Variants in CFAP47 observed in about 807,000 individuals in gnomAD.
CFAP47 encodes cilia- and flagella-associated protein 47.
Under a neutral mutation model 148.1 loss-of-function variants are expected in CFAP47, and 29 were observed. That is an observed-to-expected ratio of 0.20 (90% CI 0.15 to 0.27). The LOEUF is 0.27. Among genes scored for constraint, CFAP47 ranks in the 10% least tolerant of loss-of-function variants. The pLI is 1.00. For missense variants in CFAP47, 1,872 were observed against 1,697.5 expected, an observed-to-expected ratio of 1.10 and a Z score of -1.81; for synonymous variants, 664 against 577.3, an observed-to-expected ratio of 1.15 and a Z score of -2.15.
chrX:36,362,652 C>T (rs5973649), intron 61 of CFAP47, among the ~76,000 whole-genome samples: 35,273 of 111,132 alleles, frequency 0.32, 6,794 homozygotes, highest in African/African-American at 0.73. Flanking sequence ...AACGAGTCCA[C>T]GTGGCTTTTT....
intron 1 of CFAP47, among the ~76,000 whole-genome samples, chrX:35,924,372 CATATATGCACACATATGTGT>C (rs1197978772): frequency 1.2e-4 from 12 of 102,422 alleles, no homozygotes; most frequent in Admixed American, 4.0e-4. Context: ...TGTATATGTG[CATATATGCACACATATGTGT>C]ATATATGCAC....
chrX:35,950,780 C>T (rs1315842047), intron 4 of CFAP47, among the ~76,000 whole-genome samples: 1 of 111,627 alleles, frequency 9.0e-6, no homozygotes, highest in Non-Finnish European at 1.9e-5. Flanking sequence ...AAAAGAATTT[C>T]AGAATTTGAG....
At chrX:35,969,859 G>T in intron 10 of CFAP47, among the ~76,000 whole-genome samples, 1 of 111,924 alleles carries the variant, frequency 8.9e-6, no homozygotes, top group East Asian at 2.8e-4. Flanking sequence ...AAGACAAGAA[G>T]AAAAATTAAT....
At chrX:36,051,876 A>C (rs1291545249) in intron 26 of CFAP47, among the ~76,000 whole-genome samples, 1 of 110,842 alleles carries the variant, frequency 9.0e-6, no homozygotes, top group Non-Finnish European at 1.9e-5. Context: ...AGGTAATTGA[A>C]TCAGGGGGGT....
intron 16 of CFAP47, among the ~76,000 whole-genome samples, chrX:35,990,840 T>C (rs1202525491): frequency 9.0e-6 from 1 of 111,496 alleles, no homozygotes; most frequent in Non-Finnish European, 1.9e-5. Flanking sequence ...CTCCACAAAA[T>C]CTGGTAACAC....
At chrX:36,146,698 C>T (rs886319987) in intron 36 of CFAP47, among the ~76,000 whole-genome samples, 2 of 111,241 alleles carry the variant, frequency 1.8e-5, no homozygotes, top group Admixed American at 1.9e-4. Context: ...GAAAGTCGTT[C>T]TTACCACCAA....
intron 21 of CFAP47, among the ~76,000 whole-genome samples, chrX:36,010,011 C>G (rs999281601): frequency 1.8e-5 from 2 of 110,946 alleles, no homozygotes; most frequent in East Asian, 5.7e-4. Context: ...TAGAAGTTTA[C>G]CAAGGTACCA....
chrX:36,076,186 T>G (rs886917202), intron 29 of CFAP47, among the ~76,000 whole-genome samples: 2 of 110,036 alleles, frequency 1.8e-5, no homozygotes, highest in Non-Finnish European at 3.8e-5. Context: ...TTCTTTTTTT[T>G]TTTTTATTAT....
chrX:35,937,667 A>C (rs1273851491), intron 2 of CFAP47, among the ~76,000 whole-genome samples: 1 of 110,670 alleles, frequency 9.0e-6, no homozygotes, highest in African/African-American at 3.3e-5. Flanking sequence ...TTTTTTCTAT[A>C]ATCTAAATTG....
chrX:36,285,347 A>C (rs1469240732), intron 50 of CFAP47, among the ~76,000 whole-genome samples: 2 of 111,937 alleles, frequency 1.8e-5, no homozygotes, highest in East Asian at 5.6e-4. Context: ...TAAAAGTAAA[A>C]CATTCCGAAA....
chrX:36,052,723 T>C (rs2146739824), intron 26 of CFAP47, among the ~76,000 whole-genome samples: 1 of 112,410 alleles, frequency 8.9e-6, no homozygotes, highest in South Asian at 3.6e-4. Flanking sequence ...ATACTTACTC[T>C]CATTGACAAT....
intron 41 of CFAP47, among the ~76,000 whole-genome samples, chrX:36,189,810 A>G (rs1939846802): frequency 8.9e-6 from 1 of 112,494 alleles, no homozygotes; most frequent in Non-Finnish European, 1.9e-5. Context: ...AATTTTACAC[A>G]TTAGTGAAAT....
At chrX:35,995,322 A>G (rs770170347) in intron 18 of CFAP47, among the ~76,000 whole-genome samples, 2 of 111,772 alleles carry the variant, frequency 1.8e-5, no homozygotes, top group Non-Finnish European at 3.8e-5. Flanking sequence ...ACAGGGCCTT[A>G]TCAACATTAA....
At chrX:35,932,442 G>A (rs1177731747) in intron 2 of CFAP47, among the ~76,000 whole-genome samples, 1 of 105,999 alleles carries the variant, frequency 9.4e-6, no homozygotes, top group Non-Finnish European at 1.9e-5. Context: ...TGTAGAGGTG[G>A]GGTTTCACTA....
chrX:36,246,823 G>A (rs950875771), intron 48 of CFAP47, among the ~76,000 whole-genome samples: 2 of 111,562 alleles, frequency 1.8e-5, no homozygotes, highest in African/African-American at 6.5e-5. Flanking sequence ...ATACACTGTT[G>A]TTGGGAATGT....
intron 61 of CFAP47, among the ~76,000 whole-genome samples, chrX:36,365,099 G>T (rs1941863127): frequency 9.3e-6 from 1 of 108,020 alleles, no homozygotes; most frequent in African/African-American, 3.3e-5. Context: ...CAGCAGAAGT[G>T]GAGAAACCGG....
intron 22 of CFAP47, among the ~76,000 whole-genome samples, chrX:36,024,441 C>A (rs1937193191): frequency 9.0e-6 from 1 of 111,471 alleles, no homozygotes; most frequent in Admixed American, 9.5e-5. Flanking sequence ...ACTTAGCTCC[C>A]CCAGCTGGTG....
At chrX:36,197,237 A>G (rs1473332831) in intron 42 of CFAP47, among the ~76,000 whole-genome samples, 1 of 111,989 alleles carries the variant, frequency 8.9e-6, no homozygotes, top group Non-Finnish European at 1.9e-5. Flanking sequence ...CTGATGAATC[A>G]ATGGCTGAGA....
chrX:36,346,938 G>T (rs1941702637), intron 57 of CFAP47, among the ~76,000 whole-genome samples: 1 of 112,065 alleles, frequency 8.9e-6, no homozygotes, highest in South Asian at 3.7e-4. Flanking sequence ...ATTGACAAAT[G>T]GGATGTAATT....
Sources: allele counts gnomAD v4.1 joint callset (sites outside exome capture counted in the v4.1 genomes callset), GRCh38; gene constraint gnomAD v4.1.1; transcripts MANE v1.5; gene names NCBI Gene and HGNC (gene_info 2026-07-23, HGNC 2026-07-21).